The following GARRE1 variants were observed in gnomAD, a reference collection of about 807,000 sequenced individuals.
GARRE1 encodes granule associated Rac and RHOG effector 1.
A neutral mutation model predicts 103.2 loss-of-function variants in GARRE1; 49 were observed. The ratio of observed to expected loss-of-function variants is 0.47; its 90% CI spans 0.38 to 0.60. The LOEUF (loss-of-function observed/expected upper bound fraction) is 0.60, where lower values mean the gene tolerates loss of function less well. Ranked by LOEUF, GARRE1 falls within the 20% of genes least tolerant of loss-of-function variation. The pLI, the probability that GARRE1 is intolerant of heterozygous loss-of-function variation, is 0.00. For missense variants in GARRE1, 1,199 were observed against 1,370.5 expected, an observed-to-expected ratio of 0.87 and a Z score of 1.98; for synonymous variants, 505 against 532.8, an observed-to-expected ratio of 0.95 and a Z score of 0.72.
intron 1 of GARRE1, chr19:34,285,053 T>C (rs1389280084): frequency 6.6e-6 from 1 of 152,050 alleles, no homozygotes; most frequent in East Asian, 1.9e-4. Flanking sequence ...CCAGACCCAG[T>C]CTCAATAAAT....
chr19:34,353,910 T>C lies in GARRE1; in HGVS notation c.*955T>C, dbSNP rs933683661. On this transcript the variant is annotated 3_prime_UTR_variant, in exon 14 of 14. Transcript: ENST00000299505. ...AATTAAGATGTAGATAGAAATTAAT[T>C]TAAGGTCTTTTCTTAAAAAAAAAAT... 2.0e-5 allele frequency: 3 copies of C among 152,492 alleles called. No individual in the cohort carries two copies. Among genetic ancestry groups the C allele is most frequent in the Non-Finnish European group, 2.9e-5 (2 of 68,030 alleles). The allele number at this position is 152,492 out of a possible 1,614,324, so 9.4% of individuals were successfully genotyped here. A position where few individuals can be genotyped will look rare whatever the true frequency, so the allele number is the denominator to read the frequency against.
intron 1 of GARRE1, among the ~76,000 whole-genome samples, chr19:34,258,418 A>G (rs2073688991): frequency 6.6e-6 from 1 of 152,098 alleles, no homozygotes; most frequent in African/African-American, 2.4e-5. Context: ...AGTTTTCTGC[A>G]GGTCAATTCT....
At chr19:34,255,831 G>A (rs746095661) in intron 1 of GARRE1, among the ~76,000 whole-genome samples, 9 of 150,794 alleles carry the variant, frequency 6.0e-5, no homozygotes, top group Admixed American at 1.3e-4. Context: ...TTTACAAATG[G>A]GGTCAAAGGT....
chr19:34,337,065 T>TTTTC (rs2074164376), intron 8 of GARRE1, among the ~76,000 whole-genome samples: 1 of 152,062 alleles, frequency 6.6e-6, no homozygotes, highest in South Asian at 2.1e-4. Flanking sequence ...TTTTTTTTTT[T>TTTTC]TTCAAATTAC....
intron 10 of GARRE1, among the ~76,000 whole-genome samples, chr19:34,346,488 T>C (rs551998076): frequency 2.0e-5 from 3 of 152,334 alleles, no homozygotes; most frequent in South Asian, 2.1e-4. Context: ...GGGATCAGCA[T>C]ATAACCTCTA....
intron 1 of GARRE1, among the ~76,000 whole-genome samples, chr19:34,275,288 A>G (rs1436111782): frequency 2.6e-5 from 4 of 152,122 alleles, no homozygotes; most frequent in Non-Finnish European, 5.9e-5. Flanking sequence ...TAAAGTATAT[A>G]AATTGGTGGT....
intron 3 of GARRE1, among the ~76,000 whole-genome samples, chr19:34,324,874 G>A (rs970119328): frequency 4.6e-5 from 7 of 151,892 alleles, no homozygotes; most frequent in African/African-American, 9.7e-5. Context: ...TATTTTTTCC[G>A]TATATGAATG....
In GARRE1 at chr19:34,332,033, G is replaced by A. The variant is rs16969193; in HGVS notation, c.1264-1671G>A. On this transcript the variant is annotated intron_variant, in intron 7 of 13. Transcript: ENST00000299505. ...GATATGGCATTTCAGTCAGAGGTTGGAAGGACCTAATTAGAGATTAAGAAA... is the reference window on the plus strand; with the variant it reads ...GATATGGCATTTCAGTCAGAGGTTGAAAGGACCTAATTAGAGATTAAGAAA... Among the ~76,000 whole-genome samples the A allele has an allele frequency of 3.9e-3, 592 of 151,966 alleles. 23 individuals carry two copies. In the East Asian group the frequency reaches 0.049, roughly 13 times the overall value.
At chr19:34,255,982 C>T (rs1443382169) in intron 1 of GARRE1, among the ~76,000 whole-genome samples, 2 of 151,696 alleles carry the variant, frequency 1.3e-5, no homozygotes, top group African/African-American at 4.8e-5. Flanking sequence ...GCTGAGATTA[C>T]AGGCACCCAC....
chr19:34,326,156 CAAACAG>C (rs2074110962), intron 3 of GARRE1, among the ~76,000 whole-genome samples: 1 of 152,200 alleles, frequency 6.6e-6, no homozygotes, highest in African/African-American at 2.4e-5. Context: ...TAGAAAGAGT[CAAACAG>C]TTTTAAACTG....
intron 10 of GARRE1, among the ~76,000 whole-genome samples, chr19:34,346,981 T>A (rs2074214293): frequency 6.6e-6 from 1 of 152,202 alleles, no homozygotes; most frequent in African/African-American, 2.4e-5. Context: ...TGGAGTGCAG[T>A]GGCGCAATCT....
chr19:34,301,549 T>A (rs1015551820), intron 2 of GARRE1, among the ~76,000 whole-genome samples: 1 of 149,212 alleles, frequency 6.7e-6, no homozygotes, highest in Non-Finnish European at 1.5e-5. Context: ...GAAAAATTAT[T>A]AAACAAACCA....
At chr19:34,343,135 A>G (rs929098008) in intron 10 of GARRE1, among the ~76,000 whole-genome samples, 6 of 152,318 alleles carry the variant, frequency 3.9e-5, no homozygotes, top group African/African-American at 1.2e-4. Flanking sequence ...AGGGAGAACA[A>G]AGAGAAACAA....
At chr19:34,286,404 A>G (rs1179716759) in intron 1 of GARRE1, among the ~76,000 whole-genome samples, 1 of 151,902 alleles carries the variant, frequency 6.6e-6, no homozygotes, top group Non-Finnish European at 1.5e-5. Flanking sequence ...TATTTTTAGT[A>G]GAGACAGGGT....
At chr19:34,271,245 C>CTTTT (rs1199086211) in intron 1 of GARRE1, among the ~76,000 whole-genome samples, 352 of 105,090 alleles carry the variant, frequency 3.3e-3, no homozygotes, top group Non-Finnish European at 4.3e-3. Flanking sequence ...TGTGCACTTT[C>CTTTT]TTTTTTTTTT....
chr19:34,273,593 G>C (rs1265946382), intron 1 of GARRE1, among the ~76,000 whole-genome samples: 3 of 152,100 alleles, frequency 2.0e-5, no homozygotes, highest in African/African-American at 4.8e-5. Flanking sequence ...TGAGCTCAGG[G>C]GTCCTGGGGG....
intron 1 of GARRE1, among the ~76,000 whole-genome samples, chr19:34,265,061 A>G (rs1046232487): frequency 6.6e-6 from 1 of 152,174 alleles, no homozygotes; most frequent in Non-Finnish European, 1.5e-5. Flanking sequence ...GCAAAGAATC[A>G]TAATGGGAAG....
At chr19:34,261,112 C>T (rs769723220) in intron 1 of GARRE1, among the ~76,000 whole-genome samples, 1 of 152,170 alleles carries the variant, frequency 6.6e-6, no homozygotes, top group African/African-American at 2.4e-5. Flanking sequence ...CGTCTGTCCT[C>T]CCAGTACCAT....
intron 10 of GARRE1, 64 bp downstream of exon 10, chr19:34,342,519 AGGGCCTGTCT>A: frequency 1.4e-6 from 2 of 1,412,476 alleles, no homozygotes; most frequent in Non-Finnish European, 2.0e-6. Context: ...AGGTCTTCCC[AGGGCCTGTCT>A]GCTGCAGCCT....
Sources: gnomAD v4.1 joint callset for allele counts (sites outside exome capture counted in the v4.1 genomes callset) on GRCh38, gnomAD v4.1.1 for gene constraint, MANE v1.5 for transcripts, NCBI Gene and HGNC (gene_info 2026-07-23, HGNC 2026-07-21) for gene names.